Variants in ASTN2 observed in about 807,000 individuals in gnomAD.
ASTN2 encodes astrotactin 2.
In ASTN2, 54 loss-of-function variants were observed where a neutral mutation model predicts 139.8. The ratio of observed to expected loss-of-function variants is 0.39; its 90% CI spans 0.31 to 0.48. ASTN2 has a LOEUF of 0.48. ASTN2 is among the 20% of genes least tolerant of loss of function. The probability of loss-of-function intolerance (pLI) is 0.95; values close to 1 mark genes in which losing one functional copy is unlikely to be tolerated. For synonymous variants in ASTN2, 756 were observed against 719.5 expected (o/e 1.05, Z -0.81); for missense variants, 1,565 against 1,725.1 (o/e 0.91, Z 1.64).
intron 3 of ASTN2, among the ~76,000 whole-genome samples, chr9:117,145,922 G>A (rs140751615): frequency 6.6e-6 from 1 of 151,968 alleles, no homozygotes; most frequent in Non-Finnish European, 1.5e-5. Flanking sequence ...ACAGATTTGA[G>A]TGGCTGGGAA....
At chr9:116,976,044 A>C in intron 9 of ASTN2, 70 bp downstream of exon 9, 1 of 1,465,462 alleles carries the variant, frequency 6.8e-7, no homozygotes, top group Non-Finnish European at 9.5e-7. Context: ...CTAAGGATCC[A>C]TGACCACATC....
intron 3 of ASTN2, among the ~76,000 whole-genome samples, chr9:117,209,740 C>T (rs1415899832): frequency 6.6e-6 from 1 of 152,098 alleles, no homozygotes; most frequent in Non-Finnish European, 1.5e-5. Flanking sequence ...CACCCAGCAG[C>T]TGCAAAGGGC....
chr9:117,290,034 G>A (rs555383263), intron 2 of ASTN2, among the ~76,000 whole-genome samples: 8 of 152,330 alleles, frequency 5.3e-5, no homozygotes, highest in African/African-American at 9.6e-5. Context: ...AGGTCGCTCC[G>A]TTGTGGAGTC....
chr9:117,091,577 G>C (rs1355527391), intron 5 of ASTN2, among the ~76,000 whole-genome samples: 1 of 152,018 alleles, frequency 6.6e-6, no homozygotes, highest in Non-Finnish European at 1.5e-5. Context: ...CGTGATGGGG[G>C]GGCAGGTGAA....
At chr9:116,786,082 C>T (rs891729754) in intron 13 of ASTN2, among the ~76,000 whole-genome samples, 2 of 152,226 alleles carry the variant, frequency 1.3e-5, no homozygotes, top group East Asian at 3.9e-4. Context: ...TTCTATCCAC[C>T]GAGGCTCCTT....
At chr9:117,140,120 G>A (rs1170630309) in intron 4 of ASTN2, among the ~76,000 whole-genome samples, 2 of 152,142 alleles carry the variant, frequency 1.3e-5, no homozygotes, top group Non-Finnish European at 2.9e-5. Flanking sequence ...GACATAAGAT[G>A]CATATATCAT....
intron 16 of ASTN2, among the ~76,000 whole-genome samples, chr9:116,661,434 G>A (rs1013399688): frequency 6.6e-6 from 1 of 152,152 alleles, no homozygotes; most frequent in African/African-American, 2.4e-5. Flanking sequence ...AGCATTTGCT[G>A]AGAAGGCCTA....
At chr9:116,774,506 C>A (rs1193116842) in intron 13 of ASTN2, among the ~76,000 whole-genome samples, 3 of 152,002 alleles carry the variant, frequency 2.0e-5, no homozygotes, top group East Asian at 1.9e-4. Flanking sequence ...ATGCTAGGAG[C>A]TTTTTTTGCA....
At chr9:117,087,722 C>T (rs1828605119) in intron 5 of ASTN2, among the ~76,000 whole-genome samples, 1 of 152,160 alleles carries the variant, frequency 6.6e-6, no homozygotes, top group African/African-American at 2.4e-5. Flanking sequence ...CAAAGGAGAA[C>T]AGAAGGACAA....
intron 16 of ASTN2, chr9:116,686,958 T>G: frequency 6.8e-7 from 1 of 1,472,056 alleles, no homozygotes; most frequent in Non-Finnish European, 9.0e-7. Flanking sequence ...ACAGATTCAG[T>G]AAGGTGCCAA....
intron 7 of ASTN2, among the ~76,000 whole-genome samples, chr9:116,998,143 T>C (rs1208413472): frequency 1.3e-5 from 2 of 152,216 alleles, no homozygotes; most frequent in Non-Finnish European, 1.5e-5. Flanking sequence ...CGTTAATCGA[T>C]AATAAGTTCA....
At chr9:116,986,209 T>C (rs1836678393) in intron 7 of ASTN2, among the ~76,000 whole-genome samples, 1 of 132,150 alleles carries the variant, frequency 7.6e-6, no homozygotes, top group Admixed American at 7.8e-5. Context: ...TTTGGTGTCC[T>C]TGCCCCTCTG....
chr9:117,344,546 T>C (rs1587966737), intron 1 of ASTN2, among the ~76,000 whole-genome samples: 1 of 152,264 alleles, frequency 6.6e-6, no homozygotes, highest in Non-Finnish European at 1.5e-5. Flanking sequence ...GTGTTTGTCT[T>C]TGTGTACACA....
rs1012405969 is a variant in ASTN2 at position 116,440,630 on chromosome 9, C to T, written c.3761G>A (p.Ser1254Asn). The T allele has an allele frequency of 6.2e-7, 1 of 1,613,730 alleles. No individual in the cohort carries two copies. Among genetic ancestry groups the T allele is most frequent in the Non-Finnish European group, 8.5e-7 (1 of 1,180,034 alleles). ...YEKFGDFVWR[S>N]EDELGPRKAH... ...ATACCTGGGCCCCAGCTCATCCTCA[C>T]TTCTCCAGACGAAGTCGCCAAACTT... is the stretch of plus-strand genomic sequence containing the variant. Residue 1254 changes from serine (S) to asparagine (N), a missense_variant, in exon 22 of 23, where the codon AGT (serine) becomes AAT (asparagine). Ser to Asn is a conservative substitution (Grantham distance 46). This residue lies in a region of ASTN2 where 418 missense variants were observed against 465.8 expected (regional missense o/e 0.90). Transcript: ENST00000313400.
rs191254036 is a variant in ASTN2 at position 116,932,227 on chromosome 9, C to T, written c.1889+42981G>A. 4.2e-3 allele frequency among the ~76,000 whole-genome samples: 642 copies of T among 152,148 alleles called. 4 individuals carry two copies. Among genetic ancestry groups the T allele is most frequent in the African/African-American group, 0.015 (609 of 41,494 alleles). Reference sequence around the variant, plus strand: ...AGCCCGGTGCCAGGTGGTGGATGCACAATGATGAAGTAGATACAGACATCA... The same window carrying T: ...AGCCCGGTGCCAGGTGGTGGATGCATAATGATGAAGTAGATACAGACATCA... On this transcript the variant is annotated intron_variant, in intron 10 of 22. Transcript: ENST00000313400.
intron 7 of ASTN2, among the ~76,000 whole-genome samples, chr9:117,005,103 T>TTTTTG (rs1837316692): frequency 1.3e-5 from 2 of 148,678 alleles, no homozygotes; most frequent in Non-Finnish European, 3.0e-5. Context: ...TTTTTTTTTT[T>TTTTTG]TGAGACACAG....
intron 19 of ASTN2, among the ~76,000 whole-genome samples, chr9:116,498,597 CA>C (rs371021345): frequency 0.027 from 3,558 of 133,590 alleles, 109 homozygotes; most frequent in African/African-American, 0.083. Flanking sequence ...GACCCTACCT[CA>C]AAAAAAAAAA....
intron 10 of ASTN2, among the ~76,000 whole-genome samples, chr9:116,864,203 C>T (rs4837955): frequency 0.37 from 56,098 of 152,032 alleles, 11,500 homozygotes; most frequent in Non-Finnish European, 0.47. Flanking sequence ...CAATTGGGCA[C>T]ATCCCTATTA....
chr9:116,706,561 A>G (rs1427385014), intron 16 of ASTN2, among the ~76,000 whole-genome samples: 1 of 152,062 alleles, frequency 6.6e-6, no homozygotes, highest in African/African-American at 2.4e-5. Context: ...CGTGTGAGTG[A>G]TAAACCTTTT....
Sources: gnomAD v4.1 joint callset for allele counts (sites outside exome capture counted in the v4.1 genomes callset) on GRCh38, gnomAD v4.1.1 for gene constraint, gnomAD v4.1.1 regional missense constraint, MANE v1.5 for transcripts, NCBI Gene and HGNC (gene_info 2026-07-23, HGNC 2026-07-21) for gene names.